The following YES1 variants were observed in gnomAD, a reference collection of about 807,000 sequenced individuals.
The protein encoded by YES1 is YES proto-oncogene 1, Src family tyrosine kinase.
Under a neutral mutation model 70.4 loss-of-function variants are expected in YES1, and 39 were observed. That is an observed-to-expected ratio of 0.55 (90% CI 0.43 to 0.72). The LOEUF is 0.72. Ranked by LOEUF, YES1 falls within the 30% of genes least tolerant of loss-of-function variation. The pLI is 0.00. For synonymous variants in YES1, 198 were observed against 218.6 expected, an observed-to-expected ratio of 0.91 and a Z score of 0.83; for missense variants, 495 against 644.8, an observed-to-expected ratio of 0.77 and a Z score of 2.52.
chr18:771,904 T>C (rs962584343), intron 1 of YES1, among the ~76,000 whole-genome samples: 1 of 152,116 alleles, frequency 6.6e-6, no homozygotes, highest in African/African-American at 2.4e-5. Flanking sequence ...CAGCTTAACG[T>C]TGGGCTCTTT....
intron 1 of YES1, among the ~76,000 whole-genome samples, chr18:801,010 G>T (rs1906791797): frequency 6.6e-6 from 1 of 152,128 alleles, no homozygotes; most frequent in African/African-American, 2.4e-5. Flanking sequence ...GCTGGGTGTG[G>T]TGGCGTGTGC....
intron 1 of YES1, among the ~76,000 whole-genome samples, chr18:809,377 G>T (rs538128375): frequency 2.0e-5 from 3 of 151,978 alleles, no homozygotes; most frequent in African/African-American, 7.2e-5. Flanking sequence ...TTAGCTCACC[G>T]CAATCTCTGT....
intron 10 of YES1, among the ~76,000 whole-genome samples, chr18:733,715 G>A (rs1474828457): frequency 7.5e-5 from 11 of 145,780 alleles, no homozygotes; most frequent in East Asian, 2.1e-4. Flanking sequence ...CCCAGGAGGC[G>A]GAGCTTGCAG....
intron 11 of YES1, among the ~76,000 whole-genome samples, chr18:727,354 A>C (rs2080032953): frequency 6.6e-6 from 1 of 152,134 alleles, no homozygotes; most frequent in South Asian, 2.1e-4. Context: ...AATACCTTAA[A>C]GTATGTATCT....
intron 1 of YES1, among the ~76,000 whole-genome samples, chr18:792,547 CTCTCTCT>C (rs1906308684): frequency 3.0e-5 from 4 of 132,964 alleles, no homozygotes; most frequent in South Asian, 2.6e-4. Flanking sequence ...CTCTCTCTCT[CTCTCTCT>C]CCCTCTGTAT....
chr18:739,849 A>T (rs775336943), intron 8 of YES1, 38 bp from the exon 9 acceptor site: 4 of 1,506,748 alleles, frequency 2.7e-6, no homozygotes, highest in Non-Finnish European at 3.7e-6. Context: ...AAAATAAGCA[A>T]ATCTTATATT....
At chr18:782,664 A>C (rs1399521523) in intron 1 of YES1, among the ~76,000 whole-genome samples, 1 of 152,184 alleles carries the variant, frequency 6.6e-6, no homozygotes, top group Admixed American at 6.5e-5. Context: ...TCAATATAAA[A>C]CATGTAAAAA....
chr18:798,929 A>G (rs961209115), intron 1 of YES1, among the ~76,000 whole-genome samples: 1 of 152,216 alleles, frequency 6.6e-6, no homozygotes, highest in African/African-American at 2.4e-5. Context: ...TAGAATTTAC[A>G]TATCACTAGC....
rs1465257607 is a variant in YES1, at chr18:771,780, A to G, written c.-8-14945T>C. Among the ~76,000 whole-genome samples the G allele has an allele frequency of 2.6e-5, 4 of 152,074 alleles. No individual in the cohort carries two copies. In the South Asian group the frequency reaches 6.2e-4, roughly 24 times the overall value. On this transcript the variant is annotated intron_variant, in intron 1 of 11. Coordinates refer to ENST00000314574, the MANE Select transcript of YES1 (RefSeq NM_005433.4). ...GCCCAGGCTGGGCACAGGGATCCCCACACTTCGGCCTTCCCTGGGATTACA... is the reference window on the plus strand; with the variant it reads ...GCCCAGGCTGGGCACAGGGATCCCCGCACTTCGGCCTTCCCTGGGATTACA...
At chr18:797,318 C>G (rs1906597584) in intron 1 of YES1, among the ~76,000 whole-genome samples, 1 of 152,030 alleles carries the variant, frequency 6.6e-6, no homozygotes, top group Non-Finnish European at 1.5e-5. Flanking sequence ...AAACAATGTT[C>G]TATCAATCCC....
intron 10 of YES1, among the ~76,000 whole-genome samples, chr18:734,422 G>T (rs999364977): frequency 5.3e-5 from 8 of 151,592 alleles, no homozygotes; most frequent in African/African-American, 1.9e-4. Context: ...AGCCGAGCTT[G>T]GTGGCAGGCA....
intron 1 of YES1, among the ~76,000 whole-genome samples, chr18:767,390 A>T (rs1177427059): frequency 6.6e-6 from 1 of 152,166 alleles, no homozygotes; most frequent in Non-Finnish European, 1.5e-5. Context: ...AGCTCAAGCA[A>T]TTCGCCTGCC....
chr18:747,894 TA>T (rs766516993), intron 4 of YES1, 25 bp downstream of exon 4: 1 of 1,600,052 alleles, frequency 6.2e-7, no homozygotes, highest in South Asian at 1.1e-5. Flanking sequence ...TCAAAATAAT[TA>T]ATAAAATATG....
intron 11 of YES1, among the ~76,000 whole-genome samples, chr18:724,870 T>C (rs1023755801): frequency 6.6e-6 from 1 of 152,254 alleles, no homozygotes; most frequent in South Asian, 2.1e-4. Flanking sequence ...TTAATACTAA[T>C]GTCTTCAAAA....
chr18:747,874 A>G (rs1445478111), intron 4 of YES1, 46 bp downstream of exon 4: 6 of 1,579,032 alleles, frequency 3.8e-6, no homozygotes, highest in African/African-American at 1.3e-5. Flanking sequence ...GCATTAAAAC[A>G]TTTCAAAAAT....
intron 1 of YES1, among the ~76,000 whole-genome samples, chr18:757,381 T>C (rs1350326354): frequency 1.3e-5 from 2 of 151,576 alleles, no homozygotes; most frequent in Non-Finnish European, 2.9e-5. Flanking sequence ...TGGGCGCCTG[T>C]AGTCCCAGCT....
In YES1 at chr18:732,889, CCAGACAT is replaced by C; in HGVS notation, c.1361_1367del (p.Asp454GlyfsTer10). Reference sequence around the variant, plus strand: ...GTTCTGTTTGCAGAATTCCAAATGACCAGACATCAGACTTTATTGTAAACCGACCATA... The same window carrying C: ...GTTCTGTTTGCAGAATTCCAAATGACCAGACTTTATTGTAAACCGACCATA... On this transcript the variant is annotated frameshift_variant, in exon 11 of 12. Transcript: ENST00000314574. LOFTEE classifies it high-confidence loss of function. 1 of 1,614,180 alleles carries C rather than the reference CCAGACAT, an allele frequency of 6.2e-7. No homozygotes were observed. The highest frequency in any genetic ancestry group is 8.5e-7 in the Non-Finnish European group (1 of 1,180,028).
In YES1 at chr18:804,523, T is replaced by C. The variant is rs562147122; in HGVS notation, c.-9+7591A>G. ...ACTGAGGAGGCTGAGGCAGGGAGAA[T>C]TGCTTGAACCCGGGAGGCAGAGGTT... is the stretch of plus-strand genomic sequence containing the variant. On this transcript the variant is annotated intron_variant, in intron 1 of 11. Coordinates refer to ENST00000314574, the MANE Select transcript of YES1 (RefSeq NM_005433.4). Among the ~76,000 whole-genome samples the C allele has an allele frequency of 1.5e-4, 21 of 141,316 alleles. 1 individual carries two copies. Among genetic ancestry groups the C allele is most frequent in the African/African-American group, 3.5e-4 (13 of 37,468 alleles). The allele number at this position is 141,316 out of a possible 152,430, so 92.7% of individuals were successfully genotyped here. A position where few individuals can be genotyped will look rare whatever the true frequency, so the allele number is the denominator to read the frequency against.
At chr18:783,046 T>A (rs1163867040) in intron 1 of YES1, among the ~76,000 whole-genome samples, 1 of 152,190 alleles carries the variant, frequency 6.6e-6, no homozygotes, top group African/African-American at 2.4e-5. Context: ...TAACTTTTTT[T>A]TTTTTAAGAA....
Sources: gnomAD v4.1 joint callset for allele counts (sites outside exome capture counted in the v4.1 genomes callset) on GRCh38, gnomAD v4.1.1 for gene constraint, MANE v1.5 for transcripts, NCBI Gene and HGNC (gene_info 2026-07-23, HGNC 2026-07-21) for gene names.